Variants in BEST3 observed in about 807,000 individuals in gnomAD.
The protein encoded by BEST3 is bestrophin-3.
A neutral mutation model predicts 47.1 loss-of-function variants in BEST3; 50 were observed. The observed-to-expected ratio is 1.06, with a 90% CI of 0.85 to 1.34. BEST3 has a LOEUF of 1.34. BEST3 is among the 40% of genes most tolerant of loss of function. The pLI, the probability that BEST3 is intolerant of heterozygous loss-of-function variation, is 0.00. For missense variants in BEST3, 765 were observed against 817.0 expected, an observed-to-expected ratio of 0.94 and a Z score of 0.78; for synonymous variants, 282 against 298.8, an observed-to-expected ratio of 0.94 and a Z score of 0.58.
chr12:69,670,459 T>C (rs1884492716), intron 9 of BEST3: 1 of 702,790 alleles, frequency 1.4e-6, no homozygotes, highest in Admixed American at 2.0e-5. Context: ...GTCTTCCTTT[T>C]CTTTGGGTCT....
chr12:69,693,554 C>A lies in BEST3; in HGVS notation c.481+120G>T, dbSNP rs1290448798. The A allele has an allele frequency of 3.3e-5, 29 of 868,756 alleles. No individual in the cohort carries two copies. In the East Asian group the frequency reaches 7.2e-4, roughly 22 times the overall value. The allele number at this position is 868,756 out of a possible 1,614,324, so 53.8% of individuals were successfully genotyped here. A position where few individuals can be genotyped will look rare whatever the true frequency, so the allele number is the denominator to read the frequency against. On this transcript the variant is annotated intron_variant, in intron 4 of 9. Coordinates refer to ENST00000330891, the MANE Select transcript of BEST3 (RefSeq NM_032735.3). ...TGCTGGGATTACAGGCATGAGCCAC[C>A]GCGCCCAACCAATAAATGTTTCTTG...
chr12:69,685,374 G>A (rs1885516820), intron 4 of BEST3, among the ~76,000 whole-genome samples: 1 of 152,118 alleles, frequency 6.6e-6, no homozygotes, highest in Non-Finnish European at 1.5e-5. Flanking sequence ...ATTTGCCCTG[G>A]GTAGAATAGA....
intron 9 of BEST3, chr12:69,660,677 A>G (rs1883818003): frequency 6.6e-6 from 1 of 152,194 alleles, no homozygotes; most frequent in Non-Finnish European, 1.5e-5. Context: ...AAATATAGAA[A>G]ACATGAGAAT....
chr12:69,697,942 A>C lies in BEST3; in HGVS notation c.-15-129T>G, dbSNP rs1886195323. On this transcript the variant is annotated intron_variant, in intron 1 of 9. Coordinates refer to ENST00000330891, the MANE Select transcript of BEST3 (RefSeq NM_032735.3). ...GCCATATCTCTGTTTTGTCTTTCTT[A>C]GTTTCTATAATTCGGAACTTTCAGA... 4.3e-6 allele frequency: 3 copies of C among 696,642 alleles called. No homozygotes were observed. The South Asian group carries it at 7.1e-5, about 16-fold the overall frequency. The allele number at this position is 696,642 out of a possible 1,614,324, so 43.2% of individuals were successfully genotyped here. A position where few individuals can be genotyped will look rare whatever the true frequency, so the allele number is the denominator to read the frequency against.
intron 4 of BEST3, among the ~76,000 whole-genome samples, chr12:69,679,665 A>G (rs1885124238): frequency 6.6e-6 from 1 of 152,162 alleles, no homozygotes; most frequent in African/African-American, 2.4e-5. Flanking sequence ...GTTCAACACG[A>G]GCCTGGCCAA....
rs1453560689 is a variant in BEST3 at position 69,680,314 on chromosome 12, T to C, written c.482-1421A>G. Among the ~76,000 whole-genome samples, 7 of 130,064 alleles carry C rather than the reference T, an allele frequency of 5.4e-5. 1 individual carries two copies. Among genetic ancestry groups the C allele is most frequent in the African/African-American group, 1.2e-4 (4 of 33,046 alleles). The allele number at this position is 130,064 out of a possible 152,430, so 85.3% of individuals were successfully genotyped here. A position where few individuals can be genotyped will look rare whatever the true frequency, so the allele number is the denominator to read the frequency against. On this transcript the variant is annotated intron_variant, in intron 4 of 9. Coordinates refer to ENST00000330891, the MANE Select transcript of BEST3 (RefSeq NM_032735.3). ...AACTTACAGTTTACACTTGATCTTT[T>C]TTTTTTTTTTTTTAGATGGAGTCTT...
chr12:69,656,882 A>G (rs1199936763), intron 9 of BEST3, among the ~76,000 whole-genome samples: 1 of 152,110 alleles, frequency 6.6e-6, no homozygotes, highest in African/African-American at 2.4e-5. Context: ...TAATTTGTAA[A>G]CATTCCTGAT....
At chr12:69,671,663 A>G (rs543117856) in intron 8 of BEST3, 84 bp from the exon 9 acceptor site, 2 of 1,299,114 alleles carry the variant, frequency 1.5e-6, no homozygotes, top group African/African-American at 2.9e-5. Flanking sequence ...TGAGAGTTAG[A>G]TTGGGCTAGG....
Position 69,671,464 on chromosome 12 carries a change from C to T in BEST3, c.1064G>A (p.Cys355Tyr), listed in dbSNP as rs1381275231. The T allele has an allele frequency of 6.2e-7, 1 of 1,613,736 alleles. No individual in the cohort carries two copies. Among genetic ancestry groups the T allele is most frequent in the Non-Finnish European group, 8.5e-7 (1 of 1,179,940 alleles). The change falls in exon 9 of 10, where the codon TGC becomes TAC. Residue 355 changes from cysteine (C) to tyrosine (Y), a missense_variant. Transcript: ENST00000330891. ...TGTTGACCCCAGAAATGAGGGTATG[C>T]AGTAGTCAGCAGCTGCCAATGTGTA... ...PPYTLAAADY[C>Y]IPSFLGSTVQ...
chr12:69,652,874 C>G (rs1328780356), downstream of BEST3, among the ~76,000 whole-genome samples: 6 of 152,156 alleles, frequency 3.9e-5, no homozygotes, highest in Non-Finnish European at 1.5e-5. Flanking sequence ...ATCCTGCCTT[C>G]TAGAAGTGTT....
intron 4 of BEST3, among the ~76,000 whole-genome samples, chr12:69,685,920 G>A (rs1310231783): frequency 1.3e-5 from 2 of 152,082 alleles, no homozygotes; most frequent in East Asian, 3.8e-4. Flanking sequence ...ATTCAAGAAG[G>A]GCTAGTTTTG....
chr12:69,655,866 T>C (rs1883458490), intron 9 of BEST3, 53 bp from the exon 10 acceptor site: 2 of 1,529,680 alleles, frequency 1.3e-6, no homozygotes, highest in African/African-American at 2.8e-5. Flanking sequence ...GGCCTAGCTT[T>C]GGGGGCAGAG....
At chr12:69,659,717 T>TG (rs5798945) in intron 9 of BEST3, among the ~76,000 whole-genome samples, 148,295 of 151,130 alleles carry the variant, frequency 0.98, 72,801 homozygotes, top group South Asian at 1. Flanking sequence ...GTTTCTTTTA[T>TG]TTTTTTTTTT....
downstream of BEST3, among the ~76,000 whole-genome samples, chr12:69,648,847 G>T (rs11613497): frequency 6.6e-6 from 1 of 152,134 alleles, no homozygotes; most frequent in East Asian, 1.9e-4. Flanking sequence ...CTACAAAAAA[G>T]TCCTTTCTAC....
intron 8 of BEST3, 25 bp from the exon 9 acceptor site, chr12:69,671,604 A>G: frequency 1.9e-6 from 3 of 1,608,188 alleles, no homozygotes; most frequent in Non-Finnish European, 2.6e-6. Context: ...ATATTGTTAG[A>G]ATAACTCAGA....
At position 69,655,578 on chromosome 12, in the gene BEST3, C is replaced by T. The variant is rs770215643; in HGVS notation, c.1336G>A (p.Ala446Thr). ...CAGGATTTCTTCCAGGTGGGTGAGG[C>T]CCTGGGGGGGTTTCTTGAGGGCACA... is the stretch of plus-strand genomic sequence containing the variant. ...LDVPSRNPPR[A>T]SPTWKKSCFP... is the part of the protein sequence containing the mutation. Residue 446 changes from alanine to threonine, a missense_variant, in exon 10 of 10, where the codon GCC (alanine) becomes ACC (threonine). Ala to Thr is a moderately conservative substitution (Grantham distance 58, BLOSUM62 0). Transcript: ENST00000330891. The T allele has an allele frequency of 6.2e-7, 1 of 1,613,806 alleles. No individual in the cohort carries two copies. The highest frequency in any genetic ancestry group is 1.7e-5 in the Admixed American group (1 of 59,974).
chr12:69,655,335 A>G lies in BEST3; in HGVS notation c.1579T>C (p.Leu527=), dbSNP rs1883398658. The change falls in exon 10 of 10, where the codon TTG becomes CTG. Residue 527 remains leucine, a synonymous_variant. Transcript: ENST00000330891. The part of the protein sequence containing the change: ...GYHHDSATSI[L]SSEFTGVQPS... ...TGAACCCCTGTAAACTCAGAGCTCA[A>G]GATGGAGGTAGCGGAATCATGGTGG... 6.2e-7 allele frequency: 1 copy of G among 1,614,172 alleles called. No individual in the cohort carries two copies. The highest frequency in any genetic ancestry group is 1.7e-4 in the Middle Eastern group (1 of 6,060).
At position 69,654,393 on chromosome 12, in the gene BEST3, T is replaced by A; in HGVS notation, c.*514A>T. ...ATAATAACAATAATAGTTATAAAAG[T>A]AGGAATGAGATGGTTAGAAAGCCTC... On this transcript the variant is annotated 3_prime_UTR_variant, in exon 10 of 10. Coordinates refer to ENST00000330891, the MANE Select transcript of BEST3 (RefSeq NM_032735.3). 1.0e-6 allele frequency: 1 copy of A among 985,376 alleles called. No individual in the cohort carries two copies. Among genetic ancestry groups the A allele is most frequent in the Non-Finnish European group, 1.2e-6 (1 of 830,022 alleles). The allele number at this position is 985,376 out of a possible 1,614,324, so 61.0% of individuals were successfully genotyped here.
At chr12:69,686,779 C>CAAAAAAAAAAAAACAA (rs71094728) in intron 4 of BEST3, among the ~76,000 whole-genome samples, 92 of 99,386 alleles carry the variant, frequency 9.3e-4, no homozygotes, top group Middle Eastern at 5.0e-3. Flanking sequence ...CTCAAAAAAA[C>CAAAAAAAAAAAAACAA]AAAAAAAAAA....
Sources: gnomAD v4.1 joint callset for allele counts (sites outside exome capture counted in the v4.1 genomes callset) on GRCh38, gnomAD v4.1.1 for gene constraint, MANE v1.5 for transcripts, NCBI Gene and HGNC (gene_info 2026-07-23, HGNC 2026-07-21) for gene names.